The following GSAP variants were observed in gnomAD, a reference collection of about 807,000 sequenced individuals.
GSAP encodes the protein gamma-secretase activating protein.
Under a neutral mutation model 131.7 loss-of-function variants are expected in GSAP, and 118 were observed. The ratio of observed to expected loss-of-function variants is 0.90; its 90% CI spans 0.77 to 1.04. GSAP has a LOEUF of 1.04. Ranked by LOEUF, GSAP falls within the 50% of genes least tolerant of loss-of-function variation. GSAP has a pLI of 0.00. For synonymous variants in GSAP, 381 were observed against 363.4 expected, an observed-to-expected ratio of 1.05 and a Z score of -0.55; for missense variants, 1,019 against 1,013.2, an observed-to-expected ratio of 1.01 and a Z score of -0.08.
intron 10 of GSAP, 46 bp from the exon 11 acceptor site, chr7:77,375,147 A>T: frequency 8.6e-7 from 1 of 1,168,002 alleles, no homozygotes; most frequent in Non-Finnish European, 1.3e-6. Context: ...ACAGAAAGTG[A>T]TGACAGTTCT....
chr7:77,311,521 T>C (rs1334625159), intron 30 of GSAP, 72 bp from the exon 31 acceptor site: 4 of 743,180 alleles, frequency 5.4e-6, no homozygotes, highest in Non-Finnish European at 9.4e-6. Context: ...AACTTTGTGC[T>C]CACAGCTCAT....
intron 8 of GSAP, among the ~76,000 whole-genome samples, chr7:77,377,649 G>A (rs1797154248): frequency 6.6e-6 from 1 of 152,094 alleles, no homozygotes; most frequent in African/African-American, 2.4e-5. Context: ...ACAGGCTGAG[G>A]CTGTTGAAGA....
chr7:77,407,527 CTAAGTT>C (rs1201554398), intron 1 of GSAP, among the ~76,000 whole-genome samples: 1 of 152,188 alleles, frequency 6.6e-6, no homozygotes, highest in East Asian at 1.9e-4. Flanking sequence ...TACTACTCTT[CTAAGTT>C]TATTATTTCA....
chr7:77,311,509 A>G (rs1255898887), intron 30 of GSAP, 60 bp from the exon 31 acceptor site: 2 of 835,070 alleles, frequency 2.4e-6, no homozygotes, highest in African/African-American at 1.7e-5. Context: ...TGAAACATTT[A>G]TAACTTTGTG....
At chr7:77,334,580 T>TAAAAAAAA (rs57442782) in intron 19 of GSAP, among the ~76,000 whole-genome samples, 11 of 81,950 alleles carry the variant, frequency 1.3e-4, no homozygotes, top group African/African-American at 4.9e-4. Flanking sequence ...ACTTAAAATT[T>TAAAAAAAA]AAAAAAAAAA....
intron 1 of GSAP, among the ~76,000 whole-genome samples, chr7:77,408,325 G>A (rs1802653343): frequency 6.6e-6 from 1 of 152,108 alleles, no homozygotes; most frequent in African/African-American, 2.4e-5. Flanking sequence ...ACAGTTAAAG[G>A]ATTTAAACAC....
At chr7:77,327,667 C>T (rs1788517744) in intron 22 of GSAP, among the ~76,000 whole-genome samples, 1 of 152,230 alleles carries the variant, frequency 6.6e-6, no homozygotes, top group African/African-American at 2.4e-5. Flanking sequence ...CTTCATGAGG[C>T]ACGAAAGTGT....
chr7:77,318,406 A>T (rs1373121415), intron 26 of GSAP, among the ~76,000 whole-genome samples: 1 of 152,244 alleles, frequency 6.6e-6, no homozygotes, highest in Non-Finnish European at 1.5e-5. Flanking sequence ...GCACAAAATG[A>T]GTATCATATA....
At chr7:77,353,665 T>G in intron 16 of GSAP, 24 bp from the exon 17 acceptor site, 1 of 1,496,400 alleles carries the variant, frequency 6.7e-7, no homozygotes, top group Non-Finnish European at 9.3e-7. Flanking sequence ...GACAGAACTC[T>G]GTTGGTATTT....
intron 18 of GSAP, among the ~76,000 whole-genome samples, chr7:77,349,657 T>G (rs957952701): frequency 1.3e-5 from 2 of 149,846 alleles, no homozygotes; most frequent in Non-Finnish European, 3.0e-5. Flanking sequence ...AAAAGACTAT[T>G]ACAAAGAAAT....
chr7:77,377,596 C>T (rs917758611), intron 8 of GSAP, among the ~76,000 whole-genome samples: 2 of 152,090 alleles, frequency 1.3e-5, no homozygotes, highest in African/African-American at 2.4e-5. Flanking sequence ...CCTCTTCTTC[C>T]CACGTATAAT....
intron 24 of GSAP, among the ~76,000 whole-genome samples, 159 bp from the exon 25 acceptor site, chr7:77,321,562 G>A (rs1787649567): frequency 6.6e-6 from 1 of 152,150 alleles, no homozygotes; most frequent in Non-Finnish European, 1.5e-5. Flanking sequence ...CTGAAGCACT[G>A]AACCCAAAAT....
At chr7:77,354,694 T>G (rs1166849786) in intron 16 of GSAP, among the ~76,000 whole-genome samples, 1 of 136,250 alleles carries the variant, frequency 7.3e-6, no homozygotes, top group African/African-American at 2.6e-5. Flanking sequence ...TTTTTTTTTG[T>G]AGTTAACCAG....
At chr7:77,406,194 T>C (rs1802239052) in intron 1 of GSAP, 89 bp from the exon 2 acceptor site, 1 of 654,068 alleles carries the variant, frequency 1.5e-6, no homozygotes, top group East Asian at 1.0e-4. Flanking sequence ...CAAATATAAA[T>C]ATATACTAAT....
rs1230036090 is a variant in GSAP, at chr7:77,355,597, C to G, written c.1078G>C (p.Val360Leu). Residue 360 changes from valine (V) to leucine (L), a missense_variant, in exon 15 of 31, where the codon GTT (valine) becomes CTT (leucine). Physicochemically the swap from Val to Leu is conservative, Grantham distance 32. Transcript: ENST00000257626. ...LPGHFFHLLN[V>L]QHPDLICHNL... The stretch of plus-strand genomic sequence containing the variant: ...TGGCAGATCAGGTCTGGATGTTGAA[C>G]ATTAAGTAGGTGGAAGAAATGACCA... The G allele has an allele frequency of 6.2e-7, 1 of 1,611,138 alleles. No individual in the cohort carries two copies. The highest frequency in any genetic ancestry group is 1.3e-5 in the African/African-American group (1 of 74,960).
At chr7:77,377,258 A>AAAAT in intron 9 of GSAP, 28 bp downstream of exon 9, 3 of 1,400,738 alleles carry the variant, frequency 2.1e-6, no homozygotes, top group Non-Finnish European at 2.8e-6. Flanking sequence ...AAAAAAAAAA[A>AAAAT]GGAGTGCCCG....
rs57095326 is a variant in GSAP, at chr7:77,414,844, C to CTTTTTTTTTTTTTTTTT, written c.109+1352_109+1368dup. ...AAAAACTTTTCAGACATGTGGGCGA[C>CTTTTTTTTTTTTTTTTT]TTTTTTTTTTTTTTTTTTTTTTTTT... On this transcript the variant is annotated intron_variant, in intron 1 of 30. Transcript: ENST00000257626. Among the ~76,000 whole-genome samples the CTTTTTTTTTTTTTTTTT allele has an allele frequency of 3.7e-4, 22 of 59,872 alleles. 5 individuals are homozygous for CTTTTTTTTTTTTTTTTT. Among genetic ancestry groups the CTTTTTTTTTTTTTTTTT allele is most frequent in the African/African-American group, 1.6e-3 (21 of 13,526 alleles). 39.3% of individuals were successfully genotyped at this position (59,872 alleles called of 152,430 possible). A position where few individuals can be genotyped will look rare whatever the true frequency, so the allele number is the denominator to read the frequency against.
intron 5 of GSAP, among the ~76,000 whole-genome samples, chr7:77,395,307 C>G (rs763043889): frequency 1.3e-5 from 2 of 152,154 alleles, no homozygotes; most frequent in Non-Finnish European, 2.9e-5. Flanking sequence ...CCCACCCTCA[C>G]CACCTCCAGG....
chr7:77,410,356 T>G (rs953852159), intron 1 of GSAP, among the ~76,000 whole-genome samples: 1 of 152,086 alleles, frequency 6.6e-6, no homozygotes, highest in Non-Finnish European at 1.5e-5. Flanking sequence ...CCTGGACGAG[T>G]TGCCCATGTC....
Sources: allele counts gnomAD v4.1 joint callset (sites outside exome capture counted in the v4.1 genomes callset), GRCh38; gene constraint gnomAD v4.1.1; transcripts MANE v1.5; gene names NCBI Gene and HGNC (gene_info 2026-07-23, HGNC 2026-07-21).